ACOT1: variants seen among roughly 807,000 people sequenced by gnomAD.
The protein encoded by ACOT1 is acyl-CoA thioesterase 1.
A neutral mutation model predicts 15.7 loss-of-function variants in ACOT1; 8 were observed. The ratio of observed to expected loss-of-function variants is 0.51; its 90% CI spans 0.30 to 0.92. ACOT1 has a LOEUF of 0.92. Among genes scored for constraint, ACOT1 ranks in the 40% least tolerant of loss-of-function variants. The pLI is 0.06. For synonymous variants in ACOT1, 67 were observed against 241.2 expected (o/e 0.28, Z 6.69); for missense variants, 151 against 539.4 (o/e 0.28, Z 7.13).
chr14:73,531,761 C>T, the ACOT1 span, among the ~76,000 whole-genome samples: 2 of 113,140 alleles, frequency 1.8e-5, 1 homozygote, highest in African/African-American at 5.7e-5. Flanking sequence ...TGGCTGACAC[C>T]TGTAATCCCA....
the ACOT1 span, among the ~76,000 whole-genome samples, chr14:73,511,724 C>T: frequency 6.6e-6 from 1 of 151,688 alleles, no homozygotes; most frequent in Non-Finnish European, 1.5e-5. Flanking sequence ...AAAACAAAAA[C>T]AAAAAAGAAT....
the ACOT1 span, chr14:73,495,429 C>A: frequency 2.6e-6 from 4 of 1,524,460 alleles, no homozygotes; most frequent in African/African-American, 4.1e-5. Context: ...AAACAAAACA[C>A]CTGTACTAGG....
chr14:73,521,558 A>G, the ACOT1 span, among the ~76,000 whole-genome samples: 1 of 152,226 alleles, frequency 6.6e-6, no homozygotes, highest in Non-Finnish European at 1.5e-5. Context: ...TATTTGTCCA[A>G]TAAATGAATA....
the ACOT1 span, among the ~76,000 whole-genome samples, chr14:73,519,454 C>A: frequency 6.6e-6 from 1 of 152,122 alleles, no homozygotes; most frequent in Non-Finnish European, 1.5e-5. Flanking sequence ...CTTCCTAAGG[C>A]AGAACCTATG....
the ACOT1 span, chr14:73,502,918 C>T: frequency 1.2e-6 from 2 of 1,613,594 alleles, no homozygotes; most frequent in African/African-American, 1.3e-5. Context: ...GCACCTCTTT[C>T]CCGAGGCTCA....
chr14:73,535,469 C>CTTTTTTTTTTTTTTTTTT (rs869167008), upstream of ACOT1, among the ~76,000 whole-genome samples: 20 of 16,536 alleles, frequency 1.2e-3, 5 homozygotes, highest in Non-Finnish European at 4.7e-3. Flanking sequence ...TTTCTTCTTT[C>CTTTTTTTTTTTTTTTTTT]TTTTTTTTTT....
the ACOT1 span, among the ~76,000 whole-genome samples, chr14:73,504,484 C>T: frequency 1.3e-5 from 2 of 152,054 alleles, no homozygotes; most frequent in South Asian, 2.1e-4. Context: ...CCTCGTGATC[C>T]GCCCTCCTTG....
chr14:73,520,869 T>C, the ACOT1 span: 1 of 1,613,964 alleles, frequency 6.2e-7, no homozygotes, highest in Non-Finnish European at 8.5e-7. Flanking sequence ...AATCTCCTGT[T>C]CAAAGGTGTT....
At chr14:73,520,811 T>C in the ACOT1 span, 1 of 1,558,988 alleles carries the variant, frequency 6.4e-7, no homozygotes, top group South Asian at 1.2e-5. Flanking sequence ...TCCTGGCCCA[T>C]GTCCCCGTGT....
At chr14:73,526,865 G>A in the ACOT1 span, among the ~76,000 whole-genome samples, 1 of 152,092 alleles carries the variant, frequency 6.6e-6, no homozygotes, top group African/African-American at 2.4e-5. Flanking sequence ...GTGTGACCCA[G>A]TGCACTGCCA....
At chr14:73,540,742 CTTTTTTTTT>C (rs200357086) in intron 1 of ACOT1, among the ~76,000 whole-genome samples, 2 of 81,224 alleles carry the variant, frequency 2.5e-5, no homozygotes, top group African/African-American at 7.9e-5. Context: ...TGTTTGCATT[CTTTTTTTTT>C]TTTTTTTTTT....
chr14:73,498,701 G>A, the ACOT1 span, among the ~76,000 whole-genome samples: 2 of 152,200 alleles, frequency 1.3e-5, no homozygotes, highest in Non-Finnish European at 2.9e-5. Flanking sequence ...AGATTAAGGG[G>A]CAGGGTTTTA....
chr14:73,497,597 TG>T, the ACOT1 span, among the ~76,000 whole-genome samples: 3 of 152,184 alleles, frequency 2.0e-5, no homozygotes, highest in Non-Finnish European at 4.4e-5. Flanking sequence ...ATTTGATAAA[TG>T]TTAGTTGAAT....
chr14:73,503,266 C>T, the ACOT1 span, among the ~76,000 whole-genome samples: 1 of 152,164 alleles, frequency 6.6e-6, no homozygotes, highest in African/African-American at 2.4e-5. Context: ...AGGACTCAAA[C>T]CCAACTCTCC....
the ACOT1 span, among the ~76,000 whole-genome samples, chr14:73,505,151 A>G: frequency 6.6e-6 from 1 of 152,102 alleles, no homozygotes; most frequent in Non-Finnish European, 1.5e-5. Flanking sequence ...TCCTGGTCTC[A>G]AGTGATCCAC....
At chr14:73,517,718 G>A in the ACOT1 span, among the ~76,000 whole-genome samples, 4 of 150,454 alleles carry the variant, frequency 2.7e-5, no homozygotes, top group Admixed American at 1.3e-4. Context: ...GGAGGGGAAG[G>A]GGGAAGAGAG....
chr14:73,507,393 G>T, the ACOT1 span, among the ~76,000 whole-genome samples: 21 of 152,212 alleles, frequency 1.4e-4, no homozygotes, highest in East Asian at 4.1e-3. Context: ...TTATGCTTGA[G>T]ATTGTCAACC....
At chr14:73,508,355 C>T in the ACOT1 span, 1 of 1,508,492 alleles carries the variant, frequency 6.6e-7, no homozygotes. Flanking sequence ...TAGAGAACAG[C>T]CTTTGGATTG....
chr14:73,524,306 A>ATATATAT, the ACOT1 span, among the ~76,000 whole-genome samples: 33 of 90,940 alleles, frequency 3.6e-4, no homozygotes, highest in East Asian at 1.0e-3. Flanking sequence ...AAAAAAAAAA[A>ATATATAT]AAAAATATAT....
Sources: allele counts gnomAD v4.1 joint callset (sites outside exome capture counted in the v4.1 genomes callset), GRCh38; gene constraint gnomAD v4.1.1; transcripts MANE v1.5; gene names NCBI Gene and HGNC (gene_info 2026-07-23, HGNC 2026-07-21).